The following BEND3 variants were observed in gnomAD, a reference collection of about 807,000 sequenced individuals.
BEND3 encodes BEN domain-containing protein 3.
BEND3 carries 13 observed loss-of-function variants against 60.1 expected under a neutral mutation model. The ratio of observed to expected loss-of-function variants is 0.22; its 90% CI spans 0.14 to 0.34. BEND3 has a LOEUF of 0.34. BEND3 is among the 10% of genes least tolerant of loss of function. The probability of loss-of-function intolerance (pLI) is 1.00; values close to 1 mark genes in which losing one functional copy is unlikely to be tolerated. For synonymous variants in BEND3, 497 were observed against 491.5 expected, an observed-to-expected ratio of 1.01 and a Z score of -0.15; for missense variants, 896 against 1,138.1, an observed-to-expected ratio of 0.79 and a Z score of 3.06.
chr6:107,082,912 AT>A (rs1462859924), intron 3 of BEND3, among the ~76,000 whole-genome samples: 2 of 152,188 alleles, frequency 1.3e-5, no homozygotes, highest in African/African-American at 4.8e-5. Flanking sequence ...AGAGAAAAAT[AT>A]TTTTGGGAGT....
chr6:107,078,948 C>T (rs976880363), intron 3 of BEND3, among the ~76,000 whole-genome samples: 1 of 152,054 alleles, frequency 6.6e-6, no homozygotes, highest in Non-Finnish European at 1.5e-5. Context: ...CCAAATGTTG[C>T]ATTTTCCAAG....
intron 3 of BEND3, among the ~76,000 whole-genome samples, chr6:107,080,354 C>CAAAAAAAAAAAAAAAAAAAAAAAA (rs11402351): frequency 1.2e-5 from 1 of 83,268 alleles, no homozygotes; most frequent in Non-Finnish European, 2.4e-5. Context: ...GATCCCATCT[C>CAAAAAAAAAAAAAAAAAAAAAAAA]AAAAAAAAAA....
At chr6:107,110,718 C>G (rs1562319179) in intron 1 of BEND3, among the ~76,000 whole-genome samples, 1 of 152,000 alleles carries the variant, frequency 6.6e-6, no homozygotes, top group Non-Finnish European at 1.5e-5. Flanking sequence ...CCATACCTGG[C>G]TAATTTTTGT....
intron 3 of BEND3, among the ~76,000 whole-genome samples, chr6:107,072,587 A>C (rs1245428905): frequency 6.6e-6 from 1 of 152,246 alleles, no homozygotes; most frequent in Non-Finnish European, 1.5e-5. Context: ...CAAGTGAGCT[A>C]TATGAGGCTG....
intron 1 of BEND3, among the ~76,000 whole-genome samples, chr6:107,108,706 A>T (rs1775875253): frequency 6.6e-6 from 1 of 152,200 alleles, no homozygotes; most frequent in African/African-American, 2.4e-5. Flanking sequence ...TTGAGCAATC[A>T]ATGCCCTGAT....
intron 1 of BEND3, among the ~76,000 whole-genome samples, chr6:107,113,218 GAT>G (rs1299553774): frequency 6.6e-6 from 1 of 151,436 alleles, no homozygotes; most frequent in Non-Finnish European, 1.5e-5. Flanking sequence ...CAGGCAGGCA[GAT>G]CACCTGAGGT....
At chr6:107,092,776 G>C (rs534811515) in intron 3 of BEND3, among the ~76,000 whole-genome samples, 1 of 152,132 alleles carries the variant, frequency 6.6e-6, no homozygotes, top group African/African-American at 2.4e-5. Flanking sequence ...TTATAGGAAG[G>C]TTGTAGTATA....
Position 107,069,693 on chromosome 6 carries a change from C to A in BEND3, c.1498G>T (p.Asp500Tyr). The A allele has an allele frequency of 6.2e-7, 1 of 1,609,900 alleles. No homozygotes were observed. Among genetic ancestry groups the A allele is most frequent in the Non-Finnish European group, 8.5e-7 (1 of 1,179,988 alleles). The change falls in exon 4 of 4, where the codon GAC (aspartate) becomes TAC (tyrosine). Residue 500 changes from aspartate to tyrosine, a missense_variant. By Grantham distance (160) the Asp-to-Tyr change is radical. Transcript: ENST00000369042. ...EGDPPRDDCY[D>Y]SSSLPDDISV... ...ATGTCGTCGGGCAGACTGGAGGAGT[C>A]GTAGCAGTCATCACGCGGGGGGTCG...
At chr6:107,112,595 T>G (rs1425523123) in intron 1 of BEND3, among the ~76,000 whole-genome samples, 1 of 152,136 alleles carries the variant, frequency 6.6e-6, no homozygotes, top group Non-Finnish European at 1.5e-5. Context: ...GGTACACGTC[T>G]GTAATCCCAG....
At chr6:107,097,999 G>A (rs1582664887) in intron 3 of BEND3, among the ~76,000 whole-genome samples, 1 of 152,048 alleles carries the variant, frequency 6.6e-6, no homozygotes, top group East Asian at 1.9e-4. Flanking sequence ...ACAGGGGAGA[G>A]TTAAAACAAA....
At chr6:107,075,911 C>T (rs1269708248) in intron 3 of BEND3, among the ~76,000 whole-genome samples, 1 of 152,202 alleles carries the variant, frequency 6.6e-6, no homozygotes, top group Admixed American at 6.5e-5. Flanking sequence ...GGAAACCCCC[C>T]ATAACTCTCA....
intron 3 of BEND3, among the ~76,000 whole-genome samples, chr6:107,086,722 T>C (rs376584686): frequency 6.6e-6 from 1 of 151,718 alleles, no homozygotes; most frequent in African/African-American, 2.4e-5. Flanking sequence ...CAGGATACCA[T>C]GTCTGGTTAC....
intron 3 of BEND3, among the ~76,000 whole-genome samples, chr6:107,095,172 AAAC>A (rs761064932): frequency 3.9e-5 from 6 of 151,964 alleles, no homozygotes; most frequent in Admixed American, 6.6e-5. Flanking sequence ...AACCTGTCTC[AAAC>A]AACAACAATA....
Position 107,069,814 on chromosome 6 carries a change from G to A in BEND3, c.1377C>T (p.Phe459=), listed in dbSNP as rs782805647. The part of the protein sequence containing the change: ...QIIRNYTEIY[F]PDMQEEEAWL... ...AGGCCTCCTCCTCCTGCATGTCAGG[G>A]AAGTAGATCTCCGTGTAGTTGCGGA... The change falls in exon 4 of 4, where the codon TTC becomes TTT. Residue 459 remains phenylalanine (F), a synonymous_variant. Coordinates refer to ENST00000369042, the MANE Select transcript of BEND3 (RefSeq NM_001367314.1). 4 of 1,613,380 alleles carry A rather than the reference G, an allele frequency of 2.5e-6. No individual in the cohort carries two copies. The highest frequency in any genetic ancestry group is 3.4e-6 in the Non-Finnish European group (4 of 1,179,976).
At chr6:107,087,320 AAAAAG>A (rs1462168528) in intron 3 of BEND3, among the ~76,000 whole-genome samples, 3 of 151,894 alleles carry the variant, frequency 2.0e-5, no homozygotes, top group Non-Finnish European at 2.9e-5. Flanking sequence ...CTCCAACTCA[AAAAAG>A]AAAAGAAAAG....
intron 3 of BEND3, among the ~76,000 whole-genome samples, chr6:107,071,359 G>A (rs1554232052): frequency 2.0e-5 from 3 of 151,998 alleles, no homozygotes; most frequent in Admixed American, 6.6e-5. Context: ...CCATGGACCC[G>A]TGCCTTCGTC....
intron 3 of BEND3, among the ~76,000 whole-genome samples, chr6:107,089,681 G>A (rs1554234888): frequency 6.7e-6 from 1 of 149,516 alleles, no homozygotes; most frequent in East Asian, 2.0e-4. Context: ...TGCAACCTCT[G>A]CCTCCCATGT....
chr6:107,094,161 G>A (rs140007605), intron 3 of BEND3, among the ~76,000 whole-genome samples: 11 of 152,286 alleles, frequency 7.2e-5, no homozygotes, highest in South Asian at 4.1e-4. Flanking sequence ...TACTTGAGCC[G>A]AGGAGCTCGA....
chr6:107,107,421 C>CT (rs1225868551), intron 1 of BEND3, among the ~76,000 whole-genome samples: 2 of 123,778 alleles, frequency 1.6e-5, no homozygotes, highest in Non-Finnish European at 3.7e-5. Flanking sequence ...TATTATAAAG[C>CT]TTCTTTTTTT....
Sources: allele counts gnomAD v4.1 joint callset (sites outside exome capture counted in the v4.1 genomes callset), GRCh38; gene constraint gnomAD v4.1.1; transcripts MANE v1.5; gene names NCBI Gene and HGNC (gene_info 2026-07-23, HGNC 2026-07-21).